DPP6: variants seen among roughly 807,000 people sequenced by gnomAD.
DPP6 encodes the protein A-type potassium channel modulatory protein DPP6.
A neutral mutation model predicts 122.6 loss-of-function variants in DPP6; 69 were observed. The ratio of observed to expected loss-of-function variants is 0.56; its 90% confidence interval spans 0.46 to 0.69. The LOEUF is 0.69. Ranked by LOEUF, DPP6 falls within the 30% of genes least tolerant of loss-of-function variation. The pLI is 0.00. For synonymous variants in DPP6, 418 were observed against 433.1 expected, an observed-to-expected ratio of 0.97 and a Z score of 0.43; for missense variants, 928 against 1,116.9, an observed-to-expected ratio of 0.83 and a Z score of 2.41.
intron 8 of DPP6, among the ~76,000 whole-genome samples, chr7:154,747,528 G>A (rs1269902937): frequency 6.6e-6 from 1 of 152,108 alleles, no homozygotes; most frequent in Non-Finnish European, 1.5e-5. Flanking sequence ...TAGCAGCATC[G>A]ACCTTGTGGG....
At chr7:154,642,569 GAC>G (rs1836174365) in intron 6 of DPP6, among the ~76,000 whole-genome samples, 1 of 151,932 alleles carries the variant, frequency 6.6e-6, no homozygotes, top group Admixed American at 6.6e-5. Flanking sequence ...CAGCCTGGGA[GAC>G]AAAGCAAGAC....
At chr7:154,065,532 C>T (rs955550153) in intron 1 of DPP6, among the ~76,000 whole-genome samples, 7 of 151,628 alleles carry the variant, frequency 4.6e-5, no homozygotes, top group African/African-American at 1.5e-4. Context: ...TCCTCACTGG[C>T]CGGGTGCACA....
chr7:154,734,273 C>A (rs978580398), intron 8 of DPP6, among the ~76,000 whole-genome samples: 5 of 152,216 alleles, frequency 3.3e-5, no homozygotes, highest in African/African-American at 1.2e-4. Flanking sequence ...TGAGCCCCAA[C>A]CTTTTATGCT....
intron 1 of DPP6, among the ~76,000 whole-genome samples, chr7:153,915,362 C>T (rs1800262394): frequency 6.6e-6 from 1 of 152,156 alleles, no homozygotes; most frequent in Non-Finnish European, 1.5e-5. Context: ...GTCTCCCACT[C>T]ATTGCCTCTG....
intron 9 of DPP6, among the ~76,000 whole-genome samples, chr7:154,770,997 C>T (rs1247399185): frequency 6.6e-6 from 1 of 152,232 alleles, no homozygotes; most frequent in African/African-American, 2.4e-5. Context: ...TGCCTGGTGA[C>T]TGGAGGCTCA....
At chr7:154,144,600 G>A (rs1363460222) in intron 1 of DPP6, among the ~76,000 whole-genome samples, 2 of 148,406 alleles carry the variant, frequency 1.3e-5, no homozygotes, top group Non-Finnish European at 1.5e-5. Context: ...AGAATAGAAA[G>A]ATTTAGAAGA....
intron 1 of DPP6, among the ~76,000 whole-genome samples, chr7:154,250,139 G>A (rs562155935): frequency 1.3e-5 from 2 of 152,058 alleles, no homozygotes; most frequent in African/African-American, 4.8e-5. Context: ...ACCCTCTCAA[G>A]CGGACTCCCT....
At chr7:154,420,063 A>G (rs1371336070) in intron 1 of DPP6, among the ~76,000 whole-genome samples, 1 of 152,226 alleles carries the variant, frequency 6.6e-6, no homozygotes, top group Non-Finnish European at 1.5e-5. Context: ...GAAGGCCGGC[A>G]CGGTGGCTTT....
chr7:154,553,640 G>GA (rs1196788124), intron 4 of DPP6, among the ~76,000 whole-genome samples: 1 of 152,128 alleles, frequency 6.6e-6, no homozygotes, highest in Non-Finnish European at 1.5e-5. Context: ...ATAGTCCTGA[G>GA]AGCTGAAGTC....
intron 6 of DPP6, among the ~76,000 whole-genome samples, chr7:154,650,491 C>A (rs1375510409): frequency 3.3e-5 from 5 of 152,168 alleles, no homozygotes; most frequent in African/African-American, 1.2e-4. Flanking sequence ...GGCCTAACTT[C>A]CGACATTGGG....
At chr7:153,835,178 G>A in the DPP6 span, among the ~76,000 whole-genome samples, 2 of 152,142 alleles carry the variant, frequency 1.3e-5, no homozygotes, top group South Asian at 4.1e-4. Context: ...TCCTTCCTTT[G>A]TAATATAATT....
the DPP6 span, among the ~76,000 whole-genome samples, chr7:153,766,674 T>A: frequency 6.6e-6 from 1 of 152,150 alleles, no homozygotes; most frequent in Non-Finnish European, 1.5e-5. Context: ...AAATAATAAA[T>A]TCAATAATAT....
At chr7:154,769,294 G>A (rs946974953) in intron 8 of DPP6, 123 bp from the exon 9 acceptor site, 70 of 1,253,480 alleles carry the variant, frequency 5.6e-5, no homozygotes, top group African/African-American at 1.5e-5. Flanking sequence ...CTCAAAGGTT[G>A]TAGCAGATAA....
chr7:154,080,065 C>T (rs1335839466), intron 1 of DPP6, among the ~76,000 whole-genome samples: 6 of 150,600 alleles, frequency 4.0e-5, no homozygotes. Flanking sequence ...GGGGGATGTG[C>T]AGGAGCTGTC....
chr7:154,668,207 A>ATATATGTGTGTGTATATATATATATATG lies in DPP6; in HGVS notation c.681-1148_681-1147insGTGTGTGTATATATATATATATGTATAT, dbSNP rs1838302491. 3.5e-5 allele frequency among the ~76,000 whole-genome samples: 3 copies of ATATATGTGTGTGTATATATATATATATG among 86,592 alleles called. 1 individual carries two copies. The highest frequency in any genetic ancestry group is 7.7e-5 in the Non-Finnish European group (3 of 38,940). The allele number at this position is 86,592 out of a possible 152,430, so 56.8% of individuals were successfully genotyped here. The stretch of plus-strand genomic sequence containing the variant: ...AGCTATGTGTATATTTTATATATAT[A>ATATATGTGTGTGTATATATATATATATG]TATATATATATAATATACACATTTT... On this transcript the variant is annotated intron_variant, in intron 6 of 25. Transcript: ENST00000377770.
At chr7:154,319,639 G>T (rs1010056400) in intron 1 of DPP6, among the ~76,000 whole-genome samples, 4 of 151,996 alleles carry the variant, frequency 2.6e-5, no homozygotes, top group African/African-American at 9.7e-5. Flanking sequence ...AGGTTGTAGT[G>T]AGCTGAGATT....
At chr7:153,778,706 G>A in the DPP6 span, among the ~76,000 whole-genome samples, 1 of 152,046 alleles carries the variant, frequency 6.6e-6, no homozygotes, top group Non-Finnish European at 1.5e-5. Flanking sequence ...CCAGTATGGG[G>A]GCAATTGGAA....
intron 1 of DPP6, among the ~76,000 whole-genome samples, chr7:154,297,202 G>C (rs1805601490): frequency 6.6e-6 from 1 of 151,828 alleles, no homozygotes; most frequent in Admixed American, 6.6e-5. Context: ...AGTTGCTGTA[G>C]ACCAGGGGTG....
chr7:154,005,589 G>C (rs1321561405), intron 1 of DPP6, among the ~76,000 whole-genome samples: 5 of 151,706 alleles, frequency 3.3e-5, no homozygotes, highest in Non-Finnish European at 2.9e-5. Context: ...TCAGGAAGGA[G>C]AGCTGGAGGG....
Sources: gnomAD v4.1 joint callset for allele counts (sites outside exome capture counted in the v4.1 genomes callset) on GRCh38, gnomAD v4.1.1 for gene constraint, MANE v1.5 for transcripts, NCBI Gene and HGNC (gene_info 2026-07-23, HGNC 2026-07-21) for gene names.